The following SFTPA1 variants were observed in gnomAD, a reference collection of about 807,000 sequenced individuals.
The protein encoded by SFTPA1 is pulmonary surfactant-associated protein A1.
In SFTPA1, 13 loss-of-function variants were observed where a neutral mutation model predicts 19.1. That is an observed-to-expected ratio of 0.68 (90% CI 0.44 to 1.08). The LOEUF (loss-of-function observed/expected upper bound fraction) is 1.08, where lower values mean the gene tolerates loss of function less well. SFTPA1 is among the 50% of genes least tolerant of loss of function. The pLI is 0.00. For missense variants in SFTPA1, 259 were observed against 316.4 expected (o/e 0.82, Z 1.38); for synonymous variants, 101 against 117.0 (o/e 0.86, Z 0.88).
chr10:79,611,646 T>A lies in SFTPA1; in HGVS notation c.-23-157T>A, dbSNP rs765560434. ...TGAGGCCATGCCAGGTGCCAGGTGA[T>A]GCTGGGAATTTTCCCGGGAGCTTCG... On this transcript the variant is annotated intron_variant, in intron 2 of 5. Coordinates refer to ENST00000398636, the MANE Select transcript of SFTPA1 (RefSeq NM_005411.5). 2.4e-5 allele frequency: 38 copies of A among 1,556,236 alleles called. No individual in the cohort carries two copies. The African/African-American group carries it at 4.6e-4, about 19-fold the overall frequency.
At chr10:79,612,532 C>G (rs1232846579) in intron 4 of SFTPA1, 101 bp downstream of exon 4, 1 of 1,565,006 alleles carries the variant, frequency 6.4e-7, no homozygotes, top group African/African-American at 1.4e-5. Context: ...TACAGGTTCC[C>G]CAAGGGCATT....
At chr10:79,611,297 G>C (rs778637438) in intron 1 of SFTPA1, 22 bp from the exon 2 acceptor site, 4 of 338,148 alleles carry the variant, frequency 1.2e-5, no homozygotes, top group African/African-American at 2.1e-5. Flanking sequence ...TGCGGGCCCC[G>C]TTCATCTTTT....
chr10:79,613,211 G>A lies in SFTPA1; in HGVS notation c.315G>A (p.Glu105=). 1 of 1,614,058 alleles carries A rather than the reference G, an allele frequency of 6.2e-7. No homozygotes were observed. ...CAGGGCTTCCAGCTCATCTAGATGA[G>A]GAGCTCCAAGCCACACTCCACGACT... is the stretch of plus-strand genomic sequence containing the variant. ...GPPGLPAHLD[E]ELQATLHDFR... Residue 105 remains glutamate, a synonymous_variant, in exon 5 of 6, where the codon GAG becomes GAA. Coordinates refer to ENST00000398636, the MANE Select transcript of SFTPA1 (RefSeq NM_005411.5).
chr10:79,614,923 C>G lies in SFTPA1; in HGVS notation c.*810C>G. 1 of 1,199,446 alleles carries G rather than the reference C, an allele frequency of 8.3e-7. No individual in the cohort carries two copies. The highest frequency in any genetic ancestry group is 2.3e-4 in the Middle Eastern group (1 of 4,404). The allele number at this position is 1,199,446 out of a possible 1,614,324, so 74.3% of individuals were successfully genotyped here. A position where few individuals can be genotyped will look rare whatever the true frequency, so the allele number is the denominator to read the frequency against. On this transcript the variant is annotated 3_prime_UTR_variant, in exon 6 of 6. Transcript: ENST00000398636. ...CCCCCCACACCACTGGCTCTGCTTT[C>G]TCCTTTCATTAATCCATTCACCCAG...
chr10:79,611,303 C>CT lies in SFTPA1; in HGVS notation c.-94-10dup. 1 of 356,650 alleles carries CT rather than the reference C, an allele frequency of 2.8e-6. No homozygotes were observed. The highest frequency in any genetic ancestry group is 5.1e-6 in the Non-Finnish European group (1 of 195,142). 22.1% of individuals were successfully genotyped at this position (356,650 alleles called of 1,614,324 possible). On this transcript the variant is annotated splice_polypyrimidine_tract_variant and intron_variant, in intron 1 of 5. Coordinates refer to ENST00000398636, the MANE Select transcript of SFTPA1 (RefSeq NM_005411.5). ...GGGCCAGGCTGCGGGCCCCGTTCAT[C>CT]TTTTTTCATTCTCAGGTCGCTGATT...
rs1860059290 is a variant in SFTPA1, at chr10:79,614,589, T to C, written c.*476T>C. The C allele has an allele frequency of 1.3e-5, 3 of 227,096 alleles. No individual in the cohort carries two copies. The South Asian group carries it at 1.8e-4, about 14-fold the overall frequency. The allele number at this position is 227,096 out of a possible 1,614,324, so 14.1% of individuals were successfully genotyped here. A position where few individuals can be genotyped will look rare whatever the true frequency, so the allele number is the denominator to read the frequency against. On this transcript the variant is annotated 3_prime_UTR_variant, in exon 6 of 6. Transcript: ENST00000398636. ...AGGCAGACTTCGGGGAAGCCCTGAC[T>C]GTGCAGAGCTAAGGACACAGTGGAG...
At chr10:79,612,546 C>T (rs1859921739) in intron 4 of SFTPA1, 115 bp downstream of exon 4, 1 of 1,516,136 alleles carries the variant, frequency 6.6e-7, no homozygotes, top group Non-Finnish European at 9.0e-7. Context: ...GGGCATTTGG[C>T]TCAACCTAAG....
rs1160807920 is a variant in SFTPA1 at position 79,614,091 on chromosome 10, G to A, written c.725G>A (p.Arg242Gln). 6.8e-6 allele frequency: 11 copies of A among 1,614,186 alleles called. No homozygotes were observed. Among genetic ancestry groups the A allele is most frequent in the South Asian group, 1.1e-5 (1 of 91,080 alleles). The stretch of plus-strand genomic sequence containing the variant: ...AATGACAGGAACTGCCTGTACTCCC[G>A]ACTGACCATCTGTGAGTTCTGAGAG... ...QWNDRNCLYS[R>Q]LTICEF The change falls in exon 6 of 6, where the codon CGA becomes CAA. Residue 242 changes from arginine (R) to glutamine (Q), a missense_variant. Arg to Gln is a conservative substitution (Grantham distance 43, BLOSUM62 1). Coordinates refer to ENST00000398636, the MANE Select transcript of SFTPA1 (RefSeq NM_005411.5).
chr10:79,614,640 T>TCA lies in SFTPA1; in HGVS notation c.*527_*528insCA, dbSNP rs1860061998. ...ATTCTCTGGCACTCTGAGGTCTCTG[T>TCA]GGCAGGCCTGGTCAGGCTCTCCATG... On this transcript the variant is annotated 3_prime_UTR_variant, in exon 6 of 6. Transcript: ENST00000398636. 3.8e-6 allele frequency: 1 copy of TCA among 259,962 alleles called. No individual in the cohort carries two copies. Among genetic ancestry groups the TCA allele is most frequent in the Non-Finnish European group, 7.6e-6 (1 of 132,162 alleles). The allele number at this position is 259,962 out of a possible 1,614,324, so 16.1% of individuals were successfully genotyped here.
intron 4 of SFTPA1, among the ~76,000 whole-genome samples, 199 bp downstream of exon 4, chr10:79,612,630 G>A (rs1191666396): frequency 2.0e-5 from 3 of 152,162 alleles, no homozygotes; most frequent in Non-Finnish European, 4.4e-5. Flanking sequence ...AAAGGCAGGT[G>A]TGGGAAGTCC....
rs4253604 is a variant in SFTPA1, at chr10:79,615,152, T to C, written c.*1039T>C. Reference sequence around the variant, plus strand: ...CAGAACTGTTACTATACACAGAGGCTATTGACTGAGCACCTATCATTTGCC... The same window carrying C: ...CAGAACTGTTACTATACACAGAGGCCATTGACTGAGCACCTATCATTTGCC... On this transcript the variant is annotated 3_prime_UTR_variant, in exon 6 of 6. Coordinates refer to ENST00000398636, the MANE Select transcript of SFTPA1 (RefSeq NM_005411.5). 7.9e-3 allele frequency: 9,833 copies of C among 1,238,328 alleles called. 53 individuals are homozygous for C. The highest frequency in any genetic ancestry group is 9.7e-3 in the Non-Finnish European group (9,095 of 935,530). 76.7% of individuals were successfully genotyped at this position (1,238,328 alleles called of 1,614,324 possible). A position where few individuals can be genotyped will look rare whatever the true frequency, so the allele number is the denominator to read the frequency against.
Position 79,614,938 on chromosome 10 carries a change from C to A in SFTPA1, c.*825C>A. The A allele has an allele frequency of 8.0e-7, 1 of 1,250,782 alleles. No homozygotes were observed. The highest frequency in any genetic ancestry group is 1.1e-6 in the Non-Finnish European group (1 of 944,682). The allele number at this position is 1,250,782 out of a possible 1,614,324, so 77.5% of individuals were successfully genotyped here. On this transcript the variant is annotated 3_prime_UTR_variant, in exon 6 of 6. Transcript: ENST00000398636. ...GCTCTGCTTTCTCCTTTCATTAATC[C>A]ATTCACCCAGATATTTCATTAAAAT... is the stretch of plus-strand genomic sequence containing the variant.
chr10:79,611,793 C>T lies in SFTPA1; in HGVS notation c.-23-10C>T, dbSNP rs1013771135. On this transcript the variant is annotated splice_polypyrimidine_tract_variant and intron_variant, in intron 2 of 5. Coordinates refer to ENST00000398636, the MANE Select transcript of SFTPA1 (RefSeq NM_005411.5). ...GGTGGCAGATGGGCTCACGGCCATC[C>T]CTCCTGCAGGAGCAGCGACTGGACC... is the stretch of plus-strand genomic sequence containing the variant. 6 of 1,613,880 alleles carry T rather than the reference C, an allele frequency of 3.7e-6. No homozygotes were observed. The highest frequency in any genetic ancestry group is 5.1e-6 in the Non-Finnish European group (6 of 1,179,874).
intron 3 of SFTPA1, 88 bp from the exon 4 acceptor site, chr10:79,612,223 AG>A (rs1859894315): frequency 6.2e-7 from 1 of 1,611,416 alleles, no homozygotes. Flanking sequence ...TAGCTGAGCC[AG>A]CCCTGGTGAT....
chr10:79,612,013 C>T lies in SFTPA1; in HGVS notation c.172+16C>T, dbSNP rs1485983329. The T allele has an allele frequency of 6.2e-7, 1 of 1,611,940 alleles. No homozygotes were observed. Among genetic ancestry groups the T allele is most frequent in the African/African-American group, 1.3e-5 (1 of 74,836 alleles). ...GGCCCTCCAGGTACTGTGCTGCAGA[C>T]CCCACCCTCAGCTGAGGGACACAGA... On this transcript the variant is annotated intron_variant, in intron 3 of 5. Transcript: ENST00000398636.
In SFTPA1 at chr10:79,614,386, C is replaced by G. The variant is rs1059079; in HGVS notation, c.*273C>G. The G allele has an allele frequency of 7.5e-5, 42 of 559,176 alleles. No homozygotes were observed. The highest frequency in any genetic ancestry group is 1.1e-4 in the Non-Finnish European group (34 of 314,936). 34.6% of individuals were successfully genotyped at this position (559,176 alleles called of 1,614,324 possible). On this transcript the variant is annotated 3_prime_UTR_variant, in exon 6 of 6. Transcript: ENST00000398636. ...CCTTGGCCTTCGACATGAGATGGAG[C>G]CCTCCTTATTCCCCATCTGGTCCAG...
At position 79,614,916 on chromosome 10, in the gene SFTPA1, C is replaced by T; in HGVS notation, c.*803C>T. ...CACACCACCCCCCACACCACTGGCT[C>T]TGCTTTCTCCTTTCATTAATCCATT... On this transcript the variant is annotated 3_prime_UTR_variant, in exon 6 of 6. Transcript: ENST00000398636. 1 of 1,163,368 alleles carries T rather than the reference C, an allele frequency of 8.6e-7. No individual in the cohort carries two copies. The highest frequency in any genetic ancestry group is 1.1e-6 in the Non-Finnish European group (1 of 873,304). The allele number at this position is 1,163,368 out of a possible 1,614,324, so 72.1% of individuals were successfully genotyped here.
chr10:79,612,546 C>G (rs1859921739), intron 4 of SFTPA1, 115 bp downstream of exon 4: 2 of 1,516,018 alleles, frequency 1.3e-6, no homozygotes, highest in Non-Finnish European at 1.8e-6. Context: ...GGGCATTTGG[C>G]TCAACCTAAG....
chr10:79,611,629 T>C (rs764519563), intron 2 of SFTPA1, 174 bp from the exon 3 acceptor site: 5 of 1,552,242 alleles, frequency 3.2e-6, no homozygotes, highest in East Asian at 4.9e-5. Context: ...CATGAGGCCA[T>C]GCCAGGTGCC....
Sources: gnomAD v4.1 joint callset for allele counts (sites outside exome capture counted in the v4.1 genomes callset) on GRCh38, gnomAD v4.1.1 for gene constraint, MANE v1.5 for transcripts, NCBI Gene and HGNC (gene_info 2026-07-23, HGNC 2026-07-21) for gene names.